SPATA6: variants seen among roughly 807,000 people sequenced by gnomAD.
The protein encoded by SPATA6 is spermatogenesis associated 6, also known as spermatogenesis-associated protein 6.
In SPATA6, 56 loss-of-function variants were observed where a neutral mutation model predicts 65.3. That is an observed-to-expected ratio of 0.86 (90% CI 0.69 to 1.07). The LOEUF (loss-of-function observed/expected upper bound fraction) is 1.07, where lower values mean the gene tolerates loss of function less well. Ranked by LOEUF, SPATA6 falls within the 50% of genes least tolerant of loss-of-function variation. The pLI, the probability that SPATA6 is intolerant of heterozygous loss-of-function variation, is 0.00. For missense variants in SPATA6, 590 were observed against 594.8 expected, an observed-to-expected ratio of 0.99 and a Z score of 0.08; for synonymous variants, 199 against 213.2, an observed-to-expected ratio of 0.93 and a Z score of 0.58.
At chr1:48,283,023 G>A in the SPATA6 span, among the ~76,000 whole-genome samples, 5 of 152,188 alleles carry the variant, frequency 3.3e-5, no homozygotes, top group African/African-American at 1.2e-4. Context: ...ATGAGTTCAT[G>A]TCCTTTGTAG....
the SPATA6 span, among the ~76,000 whole-genome samples, chr1:48,289,375 A>G: frequency 6.6e-6 from 1 of 152,226 alleles, no homozygotes; most frequent in Non-Finnish European, 1.5e-5. Flanking sequence ...AAAGGTAGAT[A>G]AAACCACAAA....
chr1:48,304,097 G>A (rs545838521), intron 12 of SPATA6, among the ~76,000 whole-genome samples: 3 of 152,228 alleles, frequency 2.0e-5, no homozygotes, highest in South Asian at 2.1e-4. Context: ...AAAGCAGAAC[G>A]GGAGGACTTC....
chr1:48,352,175 C>T (rs1646529656), intron 11 of SPATA6, among the ~76,000 whole-genome samples: 1 of 152,000 alleles, frequency 6.6e-6, no homozygotes, highest in Admixed American at 6.6e-5. Flanking sequence ...AGATCTTATG[C>T]AGAGGAACTC....
intron 7 of SPATA6, among the ~76,000 whole-genome samples, chr1:48,397,333 C>A (rs961726228): frequency 6.6e-6 from 1 of 151,528 alleles, no homozygotes; most frequent in Non-Finnish European, 1.5e-5. Flanking sequence ...ACTTTAAATT[C>A]GAAATGGTAA....
chr1:48,286,715 AC>A, the SPATA6 span, among the ~76,000 whole-genome samples: 1 of 152,102 alleles, frequency 6.6e-6, no homozygotes, highest in African/African-American at 2.4e-5. Flanking sequence ...ATAAAGTAAT[AC>A]CTGACACTGT....
At chr1:48,448,492 G>GAAA (rs199827948) in intron 3 of SPATA6, among the ~76,000 whole-genome samples, 1 of 136,678 alleles carries the variant, frequency 7.3e-6, no homozygotes. Context: ...GTCCCCACAG[G>GAAA]AAAAAAAAAA....
intron 10 of SPATA6, among the ~76,000 whole-genome samples, chr1:48,358,956 ATTGAT>A (rs1646733335): frequency 6.6e-6 from 1 of 152,206 alleles, no homozygotes; most frequent in Non-Finnish European, 1.5e-5. Flanking sequence ...CTTAACCAGG[ATTGAT>A]TTCTTTTCAA....
At chr1:48,312,728 T>C (rs934199418) in intron 11 of SPATA6, among the ~76,000 whole-genome samples, 2 of 152,126 alleles carry the variant, frequency 1.3e-5, no homozygotes, top group African/African-American at 4.8e-5. Context: ...AGAAGAAGGC[T>C]TCAGATGATC....
chr1:48,329,083 A>G (rs1645843867), intron 11 of SPATA6, among the ~76,000 whole-genome samples: 1 of 152,220 alleles, frequency 6.6e-6, no homozygotes, highest in African/African-American at 2.4e-5. Flanking sequence ...CAAATAATTC[A>G]AAGTATATTC....
At chr1:48,264,682 T>A in the SPATA6 span, among the ~76,000 whole-genome samples, 1 of 152,222 alleles carries the variant, frequency 6.6e-6, no homozygotes, top group African/African-American at 2.4e-5. Flanking sequence ...TCCATGTCCC[T>A]GCAAAGGACA....
chr1:48,313,555 C>T (rs545362887), intron 11 of SPATA6, among the ~76,000 whole-genome samples: 14 of 152,172 alleles, frequency 9.2e-5, no homozygotes, highest in African/African-American at 2.6e-4. Context: ...CACTAAACAT[C>T]GAAAGGAACA....
At chr1:48,288,973 T>C in the SPATA6 span, among the ~76,000 whole-genome samples, 1 of 152,248 alleles carries the variant, frequency 6.6e-6, no homozygotes, top group Admixed American at 6.5e-5. Flanking sequence ...TAAATGTCCC[T>C]GTCTGACAGC....
rs974941596 is a variant in SPATA6, at chr1:48,295,549, G to A, written c.*3164C>T. 2.6e-5 allele frequency: 4 copies of A among 152,154 alleles called. No homozygotes were observed. Among genetic ancestry groups the A allele is most frequent in the African/African-American group, 9.7e-5 (4 of 41,444 alleles). The allele number at this position is 152,154 out of a possible 1,614,324, so 9.4% of individuals were successfully genotyped here. A position where few individuals can be genotyped will look rare whatever the true frequency, so the allele number is the denominator to read the frequency against. On this transcript the variant is annotated 3_prime_UTR_variant, in exon 13 of 13. Transcript: ENST00000371847. The stretch of plus-strand genomic sequence containing the variant: ...TCCAGAATAGGCATGGAGACAAAAA[G>A]CATATAGTGGTTTCCAGGAGTTGTG...
chr1:48,413,598 A>C lies in SPATA6; in HGVS notation c.239-447T>G, dbSNP rs1652483329. Among the ~76,000 whole-genome samples the C allele has an allele frequency of 2.0e-5, 3 of 151,056 alleles. No individual in the cohort carries two copies. In the South Asian group the frequency reaches 6.3e-4, roughly 31 times the overall value. ...ATTACAGGTGTGAGCCACCGTGCCC[A>C]GCCTAATGTATACTTTTATAAATAT... is the stretch of plus-strand genomic sequence containing the variant. On this transcript the variant is annotated intron_variant, in intron 3 of 12. Coordinates refer to ENST00000371847, the MANE Select transcript of SPATA6 (RefSeq NM_019073.4).
At chr1:48,326,048 C>A (rs7531417) in intron 11 of SPATA6, 2,490 of 163,742 alleles carry the variant, frequency 0.015, 81 homozygotes, top group African/African-American at 0.057. Context: ...AGATGTCAAC[C>A]AGAAGGGGGC....
In SPATA6 at chr1:48,453,026, G is replaced by C. The variant is rs138346670; in HGVS notation, c.157C>G (p.Leu53Val). 417 of 1,613,790 alleles carry C rather than the reference G, an allele frequency of 2.6e-4. No individual in the cohort carries two copies. The highest frequency in any genetic ancestry group is 3.4e-4 in the Non-Finnish European group (405 of 1,179,896). ...KTQCVPATFP[L>V]VFNARMVFEK... Reference sequence around the variant, plus strand: ...AACACCATTCTGGCATTGAAGACCAGGGGAAAAGTGGCTGGGACACATTGT... The same window carrying C: ...AACACCATTCTGGCATTGAAGACCACGGGAAAAGTGGCTGGGACACATTGT... Residue 53 changes from leucine to valine, a missense_variant, in exon 2 of 13, where the codon CTG (leucine) becomes GTG (valine). Physicochemically the swap from Leu to Val is conservative, Grantham distance 32 (BLOSUM62 1). Coordinates refer to ENST00000371847, the MANE Select transcript of SPATA6 (RefSeq NM_019073.4).
the SPATA6 span, among the ~76,000 whole-genome samples, chr1:48,280,816 C>T: frequency 6.6e-6 from 1 of 152,108 alleles, no homozygotes; most frequent in Non-Finnish European, 1.5e-5. Context: ...AGAGGGAATC[C>T]TCCCTAACTC....
intron 1 of SPATA6, among the ~76,000 whole-genome samples, chr1:48,459,893 T>G (rs1657297061): frequency 1.3e-5 from 2 of 152,030 alleles, no homozygotes; most frequent in South Asian, 4.1e-4. Flanking sequence ...AAAGAAGAAA[T>G]TATAAGACAA....
intron 9 of SPATA6, among the ~76,000 whole-genome samples, chr1:48,375,746 A>C (rs1647816438): frequency 6.6e-6 from 1 of 152,140 alleles, no homozygotes; most frequent in Non-Finnish European, 1.5e-5. Flanking sequence ...CTTCCAAGTT[A>C]TATTCAAGCT....
Sources: gnomAD v4.1 joint callset for allele counts (sites outside exome capture counted in the v4.1 genomes callset) on GRCh38, gnomAD v4.1.1 for gene constraint, MANE v1.5 for transcripts, NCBI Gene and HGNC (gene_info 2026-07-23, HGNC 2026-07-21) for gene names.